The following LPAR5 variants were observed in gnomAD, a reference collection of about 807,000 sequenced individuals.
LPAR5 encodes the protein lysophosphatidic acid receptor 5.
For synonymous variants in LPAR5, 271 were observed against 261.6 expected (o/e 1.04, Z -0.35); for missense variants, 544 against 521.8 (o/e 1.04, Z -0.41).
At chr12:6,632,023 G>A (rs1948983423) in intron 1 of LPAR5, among the ~76,000 whole-genome samples, 1 of 152,044 alleles carries the variant, frequency 6.6e-6, no homozygotes, top group Non-Finnish European at 1.5e-5. Context: ...CTGAGCTGGA[G>A]TGCAACGGTG....
intron 1 of LPAR5, among the ~76,000 whole-genome samples, chr12:6,633,421 T>C (rs561424567): frequency 2.1e-4 from 32 of 152,088 alleles, no homozygotes; most frequent in African/African-American, 7.2e-4. Context: ...TGTTTTTTTT[T>C]TTTCTGAGAT....
rs373280321 is a variant in LPAR5, at chr12:6,630,325, T to C, written c.-217+5582A>G. 2.0e-4 allele frequency among the ~76,000 whole-genome samples: 30 copies of C among 151,650 alleles called. No homozygotes were observed. In the South Asian group the frequency reaches 6.0e-3, roughly 31 times the overall value. On this transcript the variant is annotated intron_variant, in intron 1 of 1. Coordinates refer to ENST00000329858, the MANE Select transcript of LPAR5 (RefSeq NM_020400.6). ...TTTCAGTAGAAATGGGGTTTCACCA[T>C]GTTGGTCAGGCTAGGCTGGTCTCCT... is the stretch of plus-strand genomic sequence containing the variant.
chr12:6,623,777 T>G (rs1471471675), intron 1 of LPAR5, among the ~76,000 whole-genome samples: 1 of 152,188 alleles, frequency 6.6e-6, no homozygotes, highest in Non-Finnish European at 1.5e-5. Flanking sequence ...GGTGGTCTTA[T>G]GGAGCACCTC....
intron 1 of LPAR5, among the ~76,000 whole-genome samples, chr12:6,623,925 A>G (rs1305902514): frequency 6.6e-6 from 1 of 152,080 alleles, no homozygotes. Flanking sequence ...ACGCCACTGC[A>G]CTCCAGCCTG....
intron 1 of LPAR5, chr12:6,631,816 G>C (rs905113696): frequency 4.6e-5 from 7 of 152,504 alleles, no homozygotes; most frequent in South Asian, 4.1e-4. Context: ...GAGCTGAAGA[G>C]AAAGGACCAG....
chr12:6,630,666 G>A (rs1948975575), intron 1 of LPAR5, among the ~76,000 whole-genome samples: 1 of 151,666 alleles, frequency 6.6e-6, no homozygotes, highest in Non-Finnish European at 1.5e-5. Context: ...TGGTCAGGCT[G>A]GTATTGAACT....
At chr12:6,623,192 C>T (rs765714332) in intron 1 of LPAR5, among the ~76,000 whole-genome samples, 31 of 151,770 alleles carry the variant, frequency 2.0e-4, no homozygotes, top group Middle Eastern at 3.4e-3. Flanking sequence ...GAGCTGACAT[C>T]GTACCACTGC....
At position 6,620,486 on chromosome 12, in the gene LPAR5, C is replaced by G; in HGVS notation, c.763G>C (p.Ala255Pro). 6.3e-7 allele frequency: 1 copy of G among 1,587,716 alleles called. No individual in the cohort carries two copies. Among genetic ancestry groups the G allele is most frequent in the Non-Finnish European group, 8.6e-7 (1 of 1,166,912 alleles). Residue 255 changes from alanine (A) to proline (P), a missense_variant, in exon 2 of 2, where the codon GCG (alanine) becomes CCG (proline). Coordinates refer to ENST00000329858, the MANE Select transcript of LPAR5 (RefSeq NM_020400.6). This position sits in a 1 kb window ranked among gnomAD's most constrained non-coding sequence, Gnocchi z 6.8. ...LCFVPYNSTL[A>P]VYGLLRSKLV... ...TTGCTCCGCAGCAGCCCGTAGACCG[C>G]CAGCGTGCTGTTGTAGGGCACGAAG...
intron 1 of LPAR5, among the ~76,000 whole-genome samples, chr12:6,628,300 C>T (rs1223364591): frequency 6.6e-6 from 1 of 152,088 alleles, no homozygotes; most frequent in Non-Finnish European, 1.5e-5. Flanking sequence ...GGATTACAGG[C>T]GTGAGCCACC....
At chr12:6,627,435 C>T (rs1233270640) in intron 1 of LPAR5, among the ~76,000 whole-genome samples, 1 of 151,998 alleles carries the variant, frequency 6.6e-6, no homozygotes, top group East Asian at 1.9e-4. Context: ...ACTAAAAATA[C>T]AAACAATTAG....
In LPAR5 at chr12:6,620,550, C is replaced by T; in HGVS notation, c.699G>A (p.Val233=). The T allele has an allele frequency of 6.4e-7, 1 of 1,560,908 alleles. No individual in the cohort carries two copies. The highest frequency in any genetic ancestry group is 8.7e-7 in the Non-Finnish European group (1 of 1,153,102). ...ATQSQRRRKT[V]RLLLANLVIF... Reference sequence around the variant, plus strand: ...TGACGAGGTTAGCCAGCAGGAGGCGCACGGTCTTCCGCCGCCGCTGGCTCT... The same window carrying T: ...TGACGAGGTTAGCCAGCAGGAGGCGTACGGTCTTCCGCCGCCGCTGGCTCT... The change falls in exon 2 of 2, where the codon GTG becomes GTA. Residue 233 remains valine, a synonymous_variant. Coordinates refer to ENST00000329858, the MANE Select transcript of LPAR5 (RefSeq NM_020400.6). This position sits in a 1 kb window ranked among gnomAD's most constrained non-coding sequence, Gnocchi z 6.8.
At chr12:6,630,036 A>C (rs1213037210) in intron 1 of LPAR5, among the ~76,000 whole-genome samples, 1 of 152,158 alleles carries the variant, frequency 6.6e-6, no homozygotes, top group Admixed American at 6.6e-5. Flanking sequence ...AAAAACATAA[A>C]TAAATAAATG....
chr12:6,628,010 C>T (rs531265089), intron 1 of LPAR5, among the ~76,000 whole-genome samples: 22 of 118,002 alleles, frequency 1.9e-4, no homozygotes, highest in Non-Finnish European at 3.3e-4. Flanking sequence ...CTTGATCATT[C>T]TTTTCTTTTT....
chr12:6,620,032 C>T lies in LPAR5; in HGVS notation c.*98G>A. 1 of 1,505,220 alleles carries T rather than the reference C, an allele frequency of 6.6e-7. No homozygotes were observed. The highest frequency in any genetic ancestry group is 9.1e-7 in the Non-Finnish European group (1 of 1,101,094). The allele number at this position is 1,505,220 out of a possible 1,614,324, so 93.2% of individuals were successfully genotyped here. A position where few individuals can be genotyped will look rare whatever the true frequency, so the allele number is the denominator to read the frequency against. On this transcript the variant is annotated 3_prime_UTR_variant, in exon 2 of 2. Transcript: ENST00000329858. This position sits in a 1 kb window ranked among gnomAD's most constrained non-coding sequence, Gnocchi z 6.8. ...TAAGCTGGAATTGCCACCCAAAGGT[C>T]CAAGTGCCCAGCCCACCTTCTTGTG...
intron 1 of LPAR5, among the ~76,000 whole-genome samples, chr12:6,627,949 C>A (rs952521868): frequency 6.6e-6 from 1 of 151,064 alleles, no homozygotes; most frequent in African/African-American, 2.4e-5. Context: ...TGTTTGGAAA[C>A]AGCTTGCAAA....
At chr12:6,623,482 C>T (rs954020718) in intron 1 of LPAR5, among the ~76,000 whole-genome samples, 2 of 151,428 alleles carry the variant, frequency 1.3e-5, no homozygotes, top group South Asian at 2.1e-4. Context: ...TGCAATGAGT[C>T]GAGATCACGC....
At chr12:6,621,905 A>C (rs1196053490) in intron 1 of LPAR5, among the ~76,000 whole-genome samples, 3 of 152,082 alleles carry the variant, frequency 2.0e-5, no homozygotes, top group Non-Finnish European at 4.4e-5. Flanking sequence ...AGGCGGGTGG[A>C]TTACCTGAGG....
intron 1 of LPAR5, among the ~76,000 whole-genome samples, chr12:6,622,021 G>C (rs769634611): frequency 5.3e-5 from 8 of 151,078 alleles, no homozygotes; most frequent in Non-Finnish European, 8.8e-5. Context: ...CCAGCTACTC[G>C]GGAGGCTGAG....
Position 6,630,433 on chromosome 12 carries a change from C to CTTT in LPAR5, c.-217+5471_-217+5473dup, listed in dbSNP as rs34529805. On this transcript the variant is annotated intron_variant, in intron 1 of 1. Coordinates refer to ENST00000329858, the MANE Select transcript of LPAR5 (RefSeq NM_020400.6). ...GAGTGAACCACTGCACCCAGCCCAT[C>CTTT]TTTTTTTTTTTTTTTTTTTTTTTTT... Among the ~76,000 whole-genome samples the CTTT allele has an allele frequency of 1.4e-4, 6 of 41,826 alleles. 1 individual carries two copies. The highest frequency in any genetic ancestry group is 2.1e-4 in the African/African-American group (2 of 9,544). The allele number at this position is 41,826 out of a possible 152,430, so 27.4% of individuals were successfully genotyped here.
Sources: gnomAD v4.1 joint callset for allele counts (sites outside exome capture counted in the v4.1 genomes callset) on GRCh38, gnomAD v4.1.1 for gene constraint, Gnocchi (gnomAD v3.1) non-coding constraint, MANE v1.5 for transcripts, NCBI Gene and HGNC (gene_info 2026-07-23, HGNC 2026-07-21) for gene names.